ASAP1: variants seen among roughly 807,000 people sequenced by gnomAD.
The protein encoded by ASAP1 is arf-GAP with SH3 domain, ANK repeat and PH domain-containing protein 1.
In ASAP1, 43 loss-of-function variants were observed where a neutral mutation model predicts 145.2. That is an observed-to-expected ratio of 0.30 (90% CI 0.23 to 0.38). The LOEUF (loss-of-function observed/expected upper bound fraction) is 0.38, where lower values mean the gene tolerates loss of function less well. Among genes scored for constraint, ASAP1 ranks in the 10% least tolerant of loss-of-function variants. ASAP1 has a pLI of 1.00. For missense variants in ASAP1, 1,018 were observed against 1,355.3 expected (o/e 0.75, Z 3.91); for synonymous variants, 546 against 515.5 (o/e 1.06, Z -0.80).
At chr8:130,316,908 C>T (rs376532965) in intron 3 of ASAP1, among the ~76,000 whole-genome samples, 5 of 152,232 alleles carry the variant, frequency 3.3e-5, no homozygotes, top group South Asian at 4.1e-4. Flanking sequence ...TAACAAAATG[C>T]GGTGCAGGCT....
intron 9 of ASAP1, among the ~76,000 whole-genome samples, chr8:130,175,289 T>C (rs1367743872): frequency 7.2e-5 from 11 of 152,190 alleles, no homozygotes. Flanking sequence ...TAAGTCATTA[T>C]GGCTCACTGC....
At chr8:130,321,460 C>T (rs1396951989) in intron 3 of ASAP1, among the ~76,000 whole-genome samples, 1 of 152,082 alleles carries the variant, frequency 6.6e-6, no homozygotes, top group Non-Finnish European at 1.5e-5. Flanking sequence ...GGAATGTGAA[C>T]TCTGGGACCT....
At chr8:130,138,169 C>T (rs934564653) in intron 13 of ASAP1, among the ~76,000 whole-genome samples, 4 of 152,178 alleles carry the variant, frequency 2.6e-5, no homozygotes, top group Admixed American at 2.6e-4. Flanking sequence ...AAGACACCTT[C>T]AATGACACAC....
chr8:130,419,350 A>G (rs552461740), intron 1 of ASAP1, among the ~76,000 whole-genome samples: 37 of 152,238 alleles, frequency 2.4e-4, no homozygotes, highest in African/African-American at 8.7e-4. Flanking sequence ...ATGTAACCCA[A>G]TTGGGGTCAA....
chr8:130,350,520 C>T (rs1825935189), intron 3 of ASAP1, among the ~76,000 whole-genome samples: 2 of 152,174 alleles, frequency 1.3e-5, no homozygotes, highest in South Asian at 4.1e-4. Flanking sequence ...ACTGGCAATC[C>T]AAGCATCTGA....
intron 7 of ASAP1, among the ~76,000 whole-genome samples, chr8:130,183,677 A>C (rs1016241303): frequency 2.0e-5 from 3 of 152,156 alleles, no homozygotes. Context: ...CTGATTTACC[A>C]CTTTTATAAA....
chr8:130,277,786 A>G (rs1451459240), intron 3 of ASAP1, among the ~76,000 whole-genome samples: 1 of 152,082 alleles, frequency 6.6e-6, no homozygotes, highest in African/African-American at 2.4e-5. Flanking sequence ...AGATTACATA[A>G]ATGTCTTTGC....
chr8:130,398,671 CA>C (rs972578277), intron 2 of ASAP1, among the ~76,000 whole-genome samples: 12 of 152,154 alleles, frequency 7.9e-5, no homozygotes, highest in African/African-American at 2.9e-4. Flanking sequence ...TACCATGTAC[CA>C]GGCACTGTTC....
intron 11 of ASAP1, among the ~76,000 whole-genome samples, chr8:130,164,415 C>A (rs2097675843): frequency 6.6e-6 from 1 of 151,930 alleles, no homozygotes; most frequent in African/African-American, 2.4e-5. Flanking sequence ...CATGGTGAAA[C>A]CCCGGTCTCT....
At chr8:130,346,476 G>A (rs189451902) in intron 3 of ASAP1, among the ~76,000 whole-genome samples, 41 of 152,282 alleles carry the variant, frequency 2.7e-4, no homozygotes, top group Non-Finnish European at 5.3e-4. Flanking sequence ...ATGAGTCTGA[G>A]TAGAAAGAGC....
At chr8:130,121,988 C>T (rs1169823315) in intron 18 of ASAP1, among the ~76,000 whole-genome samples, 1 of 152,056 alleles carries the variant, frequency 6.6e-6, no homozygotes, top group Non-Finnish European at 1.5e-5. Context: ...CCCGCCACAT[C>T]TTCCTTCATG....
chr8:130,403,291 T>C (rs1174769352), intron 1 of ASAP1, among the ~76,000 whole-genome samples: 1 of 133,192 alleles, frequency 7.5e-6, no homozygotes, highest in Non-Finnish European at 1.6e-5. Context: ...CTTTAACAAG[T>C]GTTTTTTTTT....
In ASAP1 at chr8:130,443,212, A is replaced by AC. The variant is rs1233863463; in HGVS notation, c.-28+247dup. ...CCTCTCCCGAGCTGGAGGCGAGGAG[A>AC]CCTCCCCCCCCCACCGGGCGGCCTC... is the stretch of plus-strand genomic sequence containing the variant. On this transcript the variant is annotated intron_variant, in intron 1 of 29. Coordinates refer to ENST00000518721, the MANE Select transcript of ASAP1 (RefSeq NM_018482.4). 1.1e-4 allele frequency among the ~76,000 whole-genome samples: 15 copies of AC among 139,428 alleles called. 1 individual carries two copies. Among genetic ancestry groups the AC allele is most frequent in the African/African-American group, 4.1e-4 (14 of 34,114 alleles). The allele number at this position is 139,428 out of a possible 152,430, so 91.5% of individuals were successfully genotyped here.
Position 130,077,638 on chromosome 8 carries a change from C to A in ASAP1, c.2643-1232G>T, listed in dbSNP as rs926395282. Among the ~76,000 whole-genome samples, 8 of 147,906 alleles carry A rather than the reference C, an allele frequency of 5.4e-5. No individual in the cohort carries two copies. The Admixed American group carries it at 5.6e-4, about 10-fold the overall frequency. On this transcript the variant is annotated intron_variant, in intron 26 of 29. Coordinates refer to ENST00000518721, the MANE Select transcript of ASAP1 (RefSeq NM_018482.4). ...TCAGCTCACTGCAACCTCTGCTTCC[C>A]GGGATCAAGCGATTCTTGTGCCTCA...
At chr8:130,172,032 T>C (rs1242205107) in intron 9 of ASAP1, among the ~76,000 whole-genome samples, 1 of 152,212 alleles carries the variant, frequency 6.6e-6, no homozygotes, top group Non-Finnish European at 1.5e-5. Context: ...TGGGGTCAGA[T>C]GATTATGACC....
intron 3 of ASAP1, among the ~76,000 whole-genome samples, chr8:130,276,758 T>TCC (rs1387078111): frequency 1.4e-3 from 205 of 147,152 alleles, no homozygotes; most frequent in Non-Finnish European, 2.2e-3. Flanking sequence ...TCTCTCTCTC[T>TCC]CTCCTCTAAC....
At chr8:130,356,424 A>G (rs1397418444) in intron 3 of ASAP1, among the ~76,000 whole-genome samples, 1 of 152,212 alleles carries the variant, frequency 6.6e-6, no homozygotes, top group East Asian at 1.9e-4. Context: ...TCCTGTATCA[A>G]CATGTTTCAA....
chr8:130,302,994 G>A (rs1339651338), intron 3 of ASAP1, among the ~76,000 whole-genome samples: 3 of 151,788 alleles, frequency 2.0e-5, no homozygotes, highest in Non-Finnish European at 2.9e-5. Context: ...AAGTCACCAC[G>A]GGAAAAAAAA....
At chr8:130,133,019 T>C (rs2097585470) in intron 15 of ASAP1, among the ~76,000 whole-genome samples, 1 of 151,940 alleles carries the variant, frequency 6.6e-6, no homozygotes, top group Admixed American at 6.6e-5. Flanking sequence ...GCAAAAAGGG[T>C]ATGAGCAGAA....
Sources: allele counts gnomAD v4.1 joint callset (sites outside exome capture counted in the v4.1 genomes callset), GRCh38; gene constraint gnomAD v4.1.1; transcripts MANE v1.5; gene names NCBI Gene and HGNC (gene_info 2026-07-23, HGNC 2026-07-21).